The following PRKG1 variants were observed in gnomAD, a reference collection of about 807,000 sequenced individuals.
PRKG1 encodes protein kinase cGMP-dependent 1.
In PRKG1, 35 loss-of-function variants were observed where a neutral mutation model predicts 88.1. The ratio of observed to expected loss-of-function variants is 0.40; its 90% CI spans 0.30 to 0.53. PRKG1 has a LOEUF of 0.53. Among genes scored for constraint, PRKG1 ranks in the 20% least tolerant of loss-of-function variants. PRKG1 has a pLI of 0.59. For synonymous variants in PRKG1, 303 were observed against 292.5 expected (o/e 1.04, Z -0.37); for missense variants, 540 against 839.8 (o/e 0.64, Z 4.41).
At chr10:51,663,382 A>G (rs1430470188) in intron 3 of PRKG1, among the ~76,000 whole-genome samples, 1 of 151,970 alleles carries the variant, frequency 6.6e-6, no homozygotes, top group East Asian at 1.9e-4. Context: ...CTTCTATTCA[A>G]TTTCACATCA....
chr10:51,654,159 G>C (rs1361163028), intron 3 of PRKG1, among the ~76,000 whole-genome samples: 2 of 151,800 alleles, frequency 1.3e-5, no homozygotes, highest in Admixed American at 1.3e-4. Context: ...TATAATTTTA[G>C]GTTTTATATC....
chr10:51,710,450 A>G (rs1434301756), intron 3 of PRKG1, among the ~76,000 whole-genome samples: 1 of 152,284 alleles, frequency 6.6e-6, no homozygotes, highest in East Asian at 1.9e-4. Flanking sequence ...TATGATTTAT[A>G]GTGGCATTCC....
intron 3 of PRKG1, among the ~76,000 whole-genome samples, chr10:51,771,209 A>T (rs886103440): frequency 6.6e-6 from 1 of 152,220 alleles, no homozygotes; most frequent in African/African-American, 2.4e-5. Flanking sequence ...AAGCTAGAAA[A>T]AAAAAGTACA....
At chr10:51,546,344 G>T (rs72795163) in intron 3 of PRKG1, among the ~76,000 whole-genome samples, 171 of 152,128 alleles carry the variant, frequency 1.1e-3, no homozygotes, top group Non-Finnish European at 1.3e-3. Flanking sequence ...TGGACTAATA[G>T]CTGTTGCAAT....
At chr10:52,005,444 A>T (rs1346346417) in intron 5 of PRKG1, among the ~76,000 whole-genome samples, 2 of 152,144 alleles carry the variant, frequency 1.3e-5, no homozygotes, top group Admixed American at 1.3e-4. Flanking sequence ...GTCCTGAGAA[A>T]TACCTGGACA....
intron 1 of PRKG1, among the ~76,000 whole-genome samples, chr10:51,089,613 A>G (rs959134139): frequency 9.9e-5 from 15 of 152,188 alleles, no homozygotes; most frequent in Non-Finnish European, 2.1e-4. Flanking sequence ...CACCTCATCT[A>G]GTCATATGCT....
At chr10:51,440,663 G>A (rs1433597443) in intron 2 of PRKG1, among the ~76,000 whole-genome samples, 1 of 151,928 alleles carries the variant, frequency 6.6e-6, no homozygotes, top group Non-Finnish European at 1.5e-5. Context: ...TATAAATTCT[G>A]TCATGGTAAC....
At chr10:51,648,969 T>G (rs1687734913) in intron 3 of PRKG1, among the ~76,000 whole-genome samples, 1 of 152,100 alleles carries the variant, frequency 6.6e-6, no homozygotes, top group Non-Finnish European at 1.5e-5. Flanking sequence ...TTTGGTAGGA[T>G]GAGGCGGGCG....
In PRKG1 at chr10:52,060,116, T is replaced by C. The variant is rs1846203048; in HGVS notation, c.841-2421T>C. Among the ~76,000 whole-genome samples the C allele has an allele frequency of 5.3e-5, 8 of 151,878 alleles. No individual in the cohort carries two copies. In the South Asian group the frequency reaches 1.7e-3, roughly 32 times the overall value. On this transcript the variant is annotated intron_variant, in intron 6 of 17. Transcript: ENST00000373980. ...GACAAATATGTCAGTGTAAGAATGG[T>C]GAGCCCAGATAAAGATCCATGATAA...
rs550569578 is a variant in PRKG1 at position 52,166,829 on chromosome 10, G to GTATATA, written c.1076+4870_1076+4875dup. Among the ~76,000 whole-genome samples the GTATATA allele has an allele frequency of 5.4e-4, 3 of 5,578 alleles. No homozygotes were observed. The East Asian group carries it at 0.028, about 52-fold the overall frequency. 3.7% of individuals were successfully genotyped at this position (5,578 alleles called of 152,430 possible). ...TATATGTATATATATGTATATATATGTATATATATGTATATATATGTCTAT... is the reference window on the plus strand; with the variant it reads ...TATATGTATATATATGTATATATATGTATATATATATATATGTATATATATGTCTAT... On this transcript the variant is annotated intron_variant, in intron 9 of 17. Coordinates refer to ENST00000373980, the MANE Select transcript of PRKG1 (RefSeq NM_006258.4).
At chr10:51,041,361 A>G (rs548383278) in intron 1 of PRKG1, among the ~76,000 whole-genome samples, 2 of 151,996 alleles carry the variant, frequency 1.3e-5, no homozygotes, top group African/African-American at 4.8e-5. Flanking sequence ...ATTCCCCTGT[A>G]TTTTTATCTC....
intron 3 of PRKG1, among the ~76,000 whole-genome samples, chr10:51,700,332 A>G (rs1841433628): frequency 6.6e-6 from 1 of 152,318 alleles, no homozygotes; most frequent in Admixed American, 6.5e-5. Flanking sequence ...TTCTTCCTTA[A>G]TAACAACCGA....
chr10:52,259,732 A>C (rs1299073377), intron 10 of PRKG1, among the ~76,000 whole-genome samples: 3 of 152,098 alleles, frequency 2.0e-5, no homozygotes, highest in African/African-American at 7.2e-5. Context: ...TCAAATAAAT[A>C]AGTTAAACAA....
intron 10 of PRKG1, among the ~76,000 whole-genome samples, chr10:52,269,995 A>G (rs1245279399): frequency 6.6e-6 from 1 of 152,100 alleles, no homozygotes; most frequent in Non-Finnish European, 1.5e-5. Context: ...TTTGAGGTCA[A>G]AGGAACTAAA....
At chr10:51,136,171 T>C (rs1845681321) in intron 1 of PRKG1, among the ~76,000 whole-genome samples, 1 of 151,808 alleles carries the variant, frequency 6.6e-6, no homozygotes, top group South Asian at 2.1e-4. Context: ...ATATGGGGTG[T>C]GAGAGAGGGG....
At chr10:52,099,381 A>G (rs890982198) in intron 7 of PRKG1, among the ~76,000 whole-genome samples, 1 of 152,192 alleles carries the variant, frequency 6.6e-6, no homozygotes, top group African/African-American at 2.4e-5. Context: ...AATAATTTGT[A>G]AGAATCAGAG....
At chr10:51,300,802 G>A (rs899953184) in intron 2 of PRKG1, among the ~76,000 whole-genome samples, 2 of 152,212 alleles carry the variant, frequency 1.3e-5, no homozygotes, top group South Asian at 2.1e-4. Flanking sequence ...TTCAGCAGCT[G>A]TCTCCTCCCT....
chr10:51,378,521 C>T (rs1348811063), intron 2 of PRKG1, among the ~76,000 whole-genome samples: 1 of 152,116 alleles, frequency 6.6e-6, no homozygotes, highest in Non-Finnish European at 1.5e-5. Flanking sequence ...TCCTTGTTTA[C>T]ACATTGTAAT....
chr10:51,609,131 C>T (rs1455793660), intron 3 of PRKG1, among the ~76,000 whole-genome samples: 2 of 151,576 alleles, frequency 1.3e-5, no homozygotes, highest in Non-Finnish European at 2.9e-5. Flanking sequence ...GGTACATGTG[C>T]ACAATGTGCA....
Sources: gnomAD v4.1 joint callset for allele counts (sites outside exome capture counted in the v4.1 genomes callset) on GRCh38, gnomAD v4.1.1 for gene constraint, MANE v1.5 for transcripts, NCBI Gene and HGNC (gene_info 2026-07-23, HGNC 2026-07-21) for gene names.